Variants in CDH10 observed in about 807,000 individuals in gnomAD.
The protein encoded by CDH10 is cadherin 10.
Under a neutral mutation model 73.1 loss-of-function variants are expected in CDH10, and 30 were observed. The observed-to-expected ratio is 0.41, with a 90% CI of 0.31 to 0.56. The LOEUF (loss-of-function observed/expected upper bound fraction) is 0.56, where lower values mean the gene tolerates loss of function less well. Among genes scored for constraint, CDH10 ranks in the 20% least tolerant of loss-of-function variants. The pLI, the probability that CDH10 is intolerant of heterozygous loss-of-function variation, is 0.27. For missense variants in CDH10, 815 were observed against 973.7 expected, an observed-to-expected ratio of 0.84 and a Z score of 2.17; for synonymous variants, 345 against 348.2, an observed-to-expected ratio of 0.99 and a Z score of 0.10.
At chr5:24,563,583 C>G (rs1318688083) in intron 2 of CDH10, among the ~76,000 whole-genome samples, 1 of 94,978 alleles carries the variant, frequency 1.1e-5, no homozygotes, top group Non-Finnish European at 2.1e-5. Flanking sequence ...GAAACCCCGT[C>G]TCTACTAAAA....
chr5:24,599,933 T>TA (rs35858260), intron 1 of CDH10, among the ~76,000 whole-genome samples: 2 of 151,982 alleles, frequency 1.3e-5, no homozygotes, highest in African/African-American at 4.8e-5. Context: ...TCCCATTTTA[T>TA]AAAAAAAGGA....
At chr5:24,552,045 C>T (rs1043882671) in intron 2 of CDH10, among the ~76,000 whole-genome samples, 38 of 152,018 alleles carry the variant, frequency 2.5e-4, no homozygotes, top group Non-Finnish European at 2.9e-5. Context: ...TAAACAAGAA[C>T]AAAGTATTCT....
Position 24,509,709 on chromosome 5 carries a change from C to T in CDH10, c.1113G>A (p.Val371=), listed in dbSNP as rs776784204. Residue 371 remains valine (V), a synonymous_variant, in exon 7 of 12, where the codon GTG becomes GTA. Transcript: ENST00000264463. ...CATCCACATCTTCTATAGAGATTTT[C>T]ACTATGGTAGTATCTTTAAATGGTC... The part of the protein sequence containing the change: ...YLGPFKDTTI[V]KISIEDVDEP... 2.5e-6 allele frequency: 4 copies of T among 1,613,646 alleles called. No individual in the cohort carries two copies. The South Asian group carries it at 4.4e-5, about 18-fold the overall frequency.
intron 1 of CDH10, chr5:24,612,643 A>C (rs1445463642): frequency 6.6e-6 from 1 of 152,152 alleles, no homozygotes; most frequent in African/African-American, 2.4e-5. Flanking sequence ...ACAGAAACAC[A>C]CTTGCCATTA....
intron 8 of CDH10, among the ~76,000 whole-genome samples, chr5:24,498,870 T>C (rs1245975862): frequency 6.6e-6 from 1 of 152,200 alleles, no homozygotes; most frequent in Non-Finnish European, 1.5e-5. Context: ...AATTATATCA[T>C]TTAATTTTTA....
intron 1 of CDH10, among the ~76,000 whole-genome samples, chr5:24,616,029 T>C (rs970283349): frequency 2.6e-5 from 4 of 152,146 alleles, no homozygotes; most frequent in Non-Finnish European, 5.9e-5. Context: ...AGCCATATTC[T>C]TTTTATGGAA....
At chr5:24,627,157 C>T (rs1408932170) in intron 1 of CDH10, among the ~76,000 whole-genome samples, 1 of 151,826 alleles carries the variant, frequency 6.6e-6, no homozygotes, top group African/African-American at 2.4e-5. Context: ...TTATATAATG[C>T]TAAAAGGATG....
At chr5:24,553,725 G>T (rs2111960981) in intron 2 of CDH10, among the ~76,000 whole-genome samples, 1 of 152,098 alleles carries the variant, frequency 6.6e-6, no homozygotes. Context: ...TAATCAGGAG[G>T]AAAAAGTCTA....
intron 1 of CDH10, among the ~76,000 whole-genome samples, chr5:24,630,566 A>G (rs1579488039): frequency 6.6e-6 from 1 of 151,098 alleles, no homozygotes; most frequent in Non-Finnish European, 1.5e-5. Flanking sequence ...AAAAAAAAAA[A>G]GAATATCAAG....
chr5:24,566,693 T>C (rs932769503), intron 2 of CDH10, among the ~76,000 whole-genome samples: 1 of 151,858 alleles, frequency 6.6e-6, no homozygotes, highest in African/African-American at 2.4e-5. Flanking sequence ...TATATTATTA[T>C]GCTATATACA....
rs1242546002 is a variant in CDH10 at position 24,492,833 on chromosome 5, T to A, written c.1608A>T (p.Thr536=). ...FSLAAVNPNF[T]VQDNEDNTAR... ...AAAATTTACCTTCATTATCCTGTAC[T>A]GTGAAGTTTGGATTGACAGCAGCTA... is the stretch of plus-strand genomic sequence containing the variant. Residue 536 remains threonine, a synonymous_variant, in exon 10 of 12, where the codon ACA becomes ACT. Transcript: ENST00000264463. 6.7e-7 allele frequency: 1 copy of A among 1,482,776 alleles called. No homozygotes were observed. Among genetic ancestry groups the A allele is most frequent in the African/African-American group, 1.4e-5 (1 of 72,316 alleles). 91.9% of individuals were successfully genotyped at this position (1,482,776 alleles called of 1,614,324 possible).
At chr5:24,592,169 A>G (rs964385902) in intron 2 of CDH10, among the ~76,000 whole-genome samples, 1 of 151,838 alleles carries the variant, frequency 6.6e-6, no homozygotes, top group African/African-American at 2.4e-5. Flanking sequence ...AAGGTCTGAA[A>G]TGAGTGCAAT....
intron 2 of CDH10, among the ~76,000 whole-genome samples, chr5:24,570,927 C>T (rs1745358383): frequency 6.6e-6 from 1 of 152,130 alleles, no homozygotes; most frequent in South Asian, 2.1e-4. Flanking sequence ...GAATGTACTA[C>T]AACCTCTGGT....
At chr5:24,529,671 T>A (rs920962386) in intron 5 of CDH10, among the ~76,000 whole-genome samples, 1 of 151,824 alleles carries the variant, frequency 6.6e-6, no homozygotes, top group Middle Eastern at 3.2e-3. Context: ...ATTATCTATA[T>A]ACATAATACC....
intron 1 of CDH10, among the ~76,000 whole-genome samples, chr5:24,605,551 C>A (rs145221393): frequency 6.6e-6 from 1 of 152,290 alleles, no homozygotes; most frequent in East Asian, 1.9e-4. Context: ...CGAAGTGGGT[C>A]GTTGGCACCA....
At chr5:24,597,929 A>G (rs1353584293) in intron 1 of CDH10, among the ~76,000 whole-genome samples, 2 of 151,810 alleles carry the variant, frequency 1.3e-5, no homozygotes, top group African/African-American at 4.8e-5. Context: ...ATCCTAATGT[A>G]CCAGCTTTTA....
chr5:24,634,832 A>G (rs1747815669), intron 1 of CDH10, among the ~76,000 whole-genome samples: 1 of 151,758 alleles, frequency 6.6e-6, no homozygotes, highest in African/African-American at 2.4e-5. Flanking sequence ...AAACTGAAAG[A>G]AAAAAACTGT....
At position 24,515,033 on chromosome 5, in the gene CDH10, C is replaced by A. The variant is rs376355668; in HGVS notation, c.815-3519G>T. On this transcript the variant is annotated intron_variant, in intron 5 of 11. Transcript: ENST00000264463. Reference sequence around the variant, plus strand: ...ATTCAACTAAATATTCTGACCATGCCACAATTAAGTTAAAGGTTAACACAG... The same window carrying A: ...ATTCAACTAAATATTCTGACCATGCAACAATTAAGTTAAAGGTTAACACAG... 3.3e-5 allele frequency among the ~76,000 whole-genome samples: 5 copies of A among 152,060 alleles called. No individual in the cohort carries two copies. The South Asian group carries it at 8.3e-4, about 25-fold the overall frequency.
intron 7 of CDH10, among the ~76,000 whole-genome samples, chr5:24,507,030 ATG>A (rs1420653258): frequency 2.0e-4 from 30 of 152,136 alleles, no homozygotes. Context: ...TTGGAAAGTT[ATG>A]TGTGTTAACT....
Sources: allele counts gnomAD v4.1 joint callset (sites outside exome capture counted in the v4.1 genomes callset), GRCh38; gene constraint gnomAD v4.1.1; transcripts MANE v1.5; gene names NCBI Gene and HGNC (gene_info 2026-07-23, HGNC 2026-07-21).